The following CHRM5 variants were observed in gnomAD, a reference collection of about 807,000 sequenced individuals.
CHRM5 encodes the protein muscarinic acetylcholine receptor M5.
CHRM5 carries 18 observed loss-of-function variants against 39.0 expected under a neutral mutation model. That is an observed-to-expected ratio of 0.46 (90% CI 0.32 to 0.68). The LOEUF (loss-of-function observed/expected upper bound fraction) is 0.68. Among genes scored for constraint, CHRM5 ranks in the 30% least tolerant of loss-of-function variants. The probability of loss-of-function intolerance (pLI) is 0.04; values close to 1 mark genes in which losing one functional copy is unlikely to be tolerated. For synonymous variants in CHRM5, 241 were observed against 246.3 expected (o/e 0.98, Z 0.20); for missense variants, 515 against 651.1 (o/e 0.79, Z 2.28).
At chr15:33,977,648 T>C (rs1895943785) in intron 1 of CHRM5, among the ~76,000 whole-genome samples, 2 of 152,310 alleles carry the variant, frequency 1.3e-5, no homozygotes, top group South Asian at 2.1e-4. Flanking sequence ...CTGTGAAATT[T>C]TGAACCTTGA....
chr15:33,994,762 T>C (rs1264055853), intron 1 of CHRM5, among the ~76,000 whole-genome samples: 1 of 152,202 alleles, frequency 6.6e-6, no homozygotes, highest in Non-Finnish European at 1.5e-5. Flanking sequence ...GAATATATGT[T>C]AAGCTATATT....
chr15:34,044,249 C>CT (rs1410997303), intron 1 of CHRM5, among the ~76,000 whole-genome samples: 2 of 152,158 alleles, frequency 1.3e-5, no homozygotes, highest in Non-Finnish European at 2.9e-5. Context: ...CTCCTCAAGC[C>CT]TTTTGTGCCC....
Position 34,064,452 on chromosome 15 carries a change from A to G in CHRM5, c.*136A>G, listed in dbSNP as rs183628154. 86 of 1,114,082 alleles carry G rather than the reference A, an allele frequency of 7.7e-5. No individual in the cohort carries two copies. The East Asian group carries it at 1.7e-3, about 22-fold the overall frequency. The allele number at this position is 1,114,082 out of a possible 1,614,324, so 69.0% of individuals were successfully genotyped here. A position where few individuals can be genotyped will look rare whatever the true frequency, so the allele number is the denominator to read the frequency against. On this transcript the variant is annotated 3_prime_UTR_variant, in exon 3 of 3. Coordinates refer to ENST00000383263, the MANE Select transcript of CHRM5 (RefSeq NM_012125.4). Reference sequence around the variant, plus strand: ...TCCTTGAAGATTTTTGTAAAGGCTCAAGTTTGGTTGCCAAATGGAAGGGGC... The same window carrying G: ...TCCTTGAAGATTTTTGTAAAGGCTCGAGTTTGGTTGCCAAATGGAAGGGGC...
chr15:34,057,611 C>T (rs939127730), intron 2 of CHRM5, among the ~76,000 whole-genome samples: 1 of 152,106 alleles, frequency 6.6e-6, no homozygotes, highest in Non-Finnish European at 1.5e-5. Flanking sequence ...ATCTGAGACT[C>T]AGGTTAAGTA....
chr15:34,048,464 G>T (rs895390373), intron 2 of CHRM5, among the ~76,000 whole-genome samples: 17 of 151,018 alleles, frequency 1.1e-4, no homozygotes, highest in Non-Finnish European at 1.8e-4. Context: ...AGTGGGACCT[G>T]GATCCATTCC....
intron 2 of CHRM5, among the ~76,000 whole-genome samples, chr15:34,057,929 G>A (rs993176075): frequency 1.9e-4 from 29 of 152,190 alleles, no homozygotes; most frequent in Admixed American, 1.8e-3. Flanking sequence ...TTTTAGCAAA[G>A]AGCTTATTCC....
chr15:33,994,092 C>T (rs577230058), intron 1 of CHRM5, among the ~76,000 whole-genome samples: 4 of 152,214 alleles, frequency 2.6e-5, no homozygotes, highest in Admixed American at 6.5e-5. Flanking sequence ...GGATCAGTAC[C>T]GGTCTGTGGC....
At chr15:33,998,110 A>G (rs2048039267) in intron 1 of CHRM5, among the ~76,000 whole-genome samples, 1 of 152,044 alleles carries the variant, frequency 6.6e-6, no homozygotes, top group African/African-American at 2.4e-5. Context: ...CCATCTACCC[A>G]TATCTATGCC....
chr15:34,027,960 C>A (rs951192581), intron 1 of CHRM5, among the ~76,000 whole-genome samples: 3 of 152,070 alleles, frequency 2.0e-5, no homozygotes, highest in Non-Finnish European at 4.4e-5. Context: ...TGGTCATGCG[C>A]AGAAAAGATC....
intron 1 of CHRM5, among the ~76,000 whole-genome samples, chr15:34,032,023 G>GCACGCACA (rs1555518611): frequency 6.7e-6 from 1 of 148,944 alleles, no homozygotes; most frequent in African/African-American, 2.5e-5. Flanking sequence ...GCGCGCACAC[G>GCACGCACA]CACACACACA....
chr15:33,975,440 T>C (rs114760994), intron 1 of CHRM5, among the ~76,000 whole-genome samples: 1 of 152,198 alleles, frequency 6.6e-6, no homozygotes, highest in Non-Finnish European at 1.5e-5. Context: ...AACTAAGACC[T>C]AGGATTCAAA....
At chr15:34,008,469 A>C (rs931011390) in intron 1 of CHRM5, among the ~76,000 whole-genome samples, 2 of 148,936 alleles carry the variant, frequency 1.3e-5, no homozygotes, top group African/African-American at 5.0e-5. Context: ...AACTTCCCAA[A>C]GTTGATGAAA....
chr15:34,067,450 T>G lies in CHRM5; in HGVS notation c.*3134T>G, dbSNP rs1179298752. On this transcript the variant is annotated 3_prime_UTR_variant, in exon 3 of 3. Transcript: ENST00000383263. Reference sequence around the variant, plus strand: ...GCACTATTCTAGATATTAAAGAAATTTAACCGCACAGTGGTCCAATGCAGA... The same window carrying G: ...GCACTATTCTAGATATTAAAGAAATGTAACCGCACAGTGGTCCAATGCAGA... 6.6e-6 allele frequency: 1 copy of G among 152,188 alleles called. No individual in the cohort carries two copies. Among genetic ancestry groups the G allele is most frequent in the African/African-American group, 2.4e-5 (1 of 41,434 alleles). The allele number at this position is 152,188 out of a possible 1,614,324, so 9.4% of individuals were successfully genotyped here. A position where few individuals can be genotyped will look rare whatever the true frequency, so the allele number is the denominator to read the frequency against.
chr15:34,038,844 C>T (rs2140796190), intron 1 of CHRM5: 2 of 1,170,270 alleles, frequency 1.7e-6, no homozygotes, highest in Non-Finnish European at 2.1e-6. Flanking sequence ...GGCGCCTCCT[C>T]CTCCTCGGCC....
At chr15:34,023,395 A>G (rs1567473392) in intron 1 of CHRM5, among the ~76,000 whole-genome samples, 1 of 152,162 alleles carries the variant, frequency 6.6e-6, no homozygotes, top group Non-Finnish European at 1.5e-5. Context: ...TAATCTTAGT[A>G]ACAGTTGTTG....
At position 34,064,530 on chromosome 15, in the gene CHRM5, C is replaced by A. The variant is rs1464215317; in HGVS notation, c.*214C>A. ...AAATGACTCTTGCCTATGACCAAGG[C>A]CATTTGATGCCAGGGGAGTTTGCCA... On this transcript the variant is annotated 3_prime_UTR_variant, in exon 3 of 3. Coordinates refer to ENST00000383263, the MANE Select transcript of CHRM5 (RefSeq NM_012125.4). The A allele has an allele frequency of 1.7e-6, 1 of 602,816 alleles. No homozygotes were observed. Among genetic ancestry groups the A allele is most frequent in the Non-Finnish European group, 2.9e-6 (1 of 340,414 alleles). The allele number at this position is 602,816 out of a possible 1,614,324, so 37.3% of individuals were successfully genotyped here. A position where few individuals can be genotyped will look rare whatever the true frequency, so the allele number is the denominator to read the frequency against.
intron 1 of CHRM5, among the ~76,000 whole-genome samples, chr15:33,973,843 A>C (rs978068996): frequency 2.0e-5 from 3 of 152,224 alleles, no homozygotes; most frequent in African/African-American, 7.2e-5. Flanking sequence ...AGATGTGTTA[A>C]ATGAATGTGA....
chr15:34,027,528 C>CAAAAAAAAAAAA (rs35780353), intron 1 of CHRM5, among the ~76,000 whole-genome samples: 1 of 132,570 alleles, frequency 7.5e-6, no homozygotes, highest in Non-Finnish European at 1.6e-5. Context: ...GACTCTGTCT[C>CAAAAAAAAAAAA]AAAAAAAAAA....
chr15:34,014,352 G>A (rs563144201), intron 1 of CHRM5, among the ~76,000 whole-genome samples: 18 of 107,756 alleles, frequency 1.7e-4, no homozygotes, highest in African/African-American at 3.1e-4. Flanking sequence ...CAACAAGAGC[G>A]AAACTCCATC....
Sources: allele counts gnomAD v4.1 joint callset (sites outside exome capture counted in the v4.1 genomes callset), GRCh38; gene constraint gnomAD v4.1.1; transcripts MANE v1.5; gene names NCBI Gene and HGNC (gene_info 2026-07-23, HGNC 2026-07-21).